Variants in SLC14A2 observed in about 807,000 individuals in gnomAD.
The protein encoded by SLC14A2 is solute carrier family 14 member 2, also known as urea transporter 2.
Under a neutral mutation model 104.6 loss-of-function variants are expected in SLC14A2, and 91 were observed. The observed-to-expected ratio is 0.87, with a 90% confidence interval of 0.73 to 1.04. The LOEUF is 1.04. SLC14A2 is among the 50% of genes least tolerant of loss of function. SLC14A2 has a pLI of 0.00. For synonymous variants in SLC14A2, 476 were observed against 466.4 expected (o/e 1.02, Z -0.27); for missense variants, 1,189 against 1,156.0 (o/e 1.03, Z -0.41).
chr18:45,275,946 G>C (rs965651279), intron 1 of SLC14A2, among the ~76,000 whole-genome samples: 1 of 152,224 alleles, frequency 6.6e-6, no homozygotes, highest in Admixed American at 6.5e-5. Context: ...TAAAGGTGCT[G>C]TTTTTGACTA....
chr18:45,674,286 T>C (rs1318398182), intron 18 of SLC14A2, among the ~76,000 whole-genome samples: 1 of 152,226 alleles, frequency 6.6e-6, no homozygotes, highest in East Asian at 1.9e-4. Context: ...ACAAAACTCC[T>C]TTTGAGCAGA....
chr18:45,390,053 G>T (rs971486825), intron 1 of SLC14A2, among the ~76,000 whole-genome samples: 1 of 152,170 alleles, frequency 6.6e-6, no homozygotes, highest in African/African-American at 2.4e-5. Context: ...AAATCTCGTT[G>T]GTATTTGGGG....
At chr18:45,220,173 A>G (rs2143990150) in intron 1 of SLC14A2, among the ~76,000 whole-genome samples, 1 of 152,322 alleles carries the variant, frequency 6.6e-6, no homozygotes, top group South Asian at 2.1e-4. Flanking sequence ...CATTCCTGAT[A>G]GTAAGCAAGC....
chr18:45,642,894 A>C (rs568339106), intron 8 of SLC14A2, among the ~76,000 whole-genome samples: 5 of 152,368 alleles, frequency 3.3e-5, no homozygotes, highest in African/African-American at 1.2e-4. Context: ...AAAAGGAAAT[A>C]TATGTTTTAA....
the SLC14A2 span, among the ~76,000 whole-genome samples, chr18:45,179,387 C>A: frequency 6.6e-6 from 1 of 152,180 alleles, no homozygotes; most frequent in Non-Finnish European, 1.5e-5. Context: ...GGAAGTCTAA[C>A]CAGCTTCCTT....
chr18:45,168,261 TTTTAA>T, the SLC14A2 span, among the ~76,000 whole-genome samples: 1 of 152,216 alleles, frequency 6.6e-6, no homozygotes, highest in South Asian at 2.1e-4. Context: ...ACTTTAAAGT[TTTTAA>T]TTTATTTCCT....
chr18:45,677,114 G>A (rs1005725320), intron 18 of SLC14A2, among the ~76,000 whole-genome samples: 7 of 152,178 alleles, frequency 4.6e-5, no homozygotes, highest in Admixed American at 1.3e-4. Flanking sequence ...GTCTCATTTC[G>A]TCTTCTTTCT....
chr18:45,444,285 C>G (rs1260244109), intron 1 of SLC14A2, among the ~76,000 whole-genome samples: 2 of 152,152 alleles, frequency 1.3e-5, no homozygotes, highest in Non-Finnish European at 2.9e-5. Context: ...TTGTGGCAAT[C>G]TTGTAGGTTT....
At chr18:45,534,228 C>T (rs1308535845) in intron 2 of SLC14A2, among the ~76,000 whole-genome samples, 1 of 152,124 alleles carries the variant, frequency 6.6e-6, no homozygotes, top group Non-Finnish European at 1.5e-5. Context: ...CTCCTCATCA[C>T]TGCAGAGCAT....
At chr18:45,641,424 C>G in intron 8 of SLC14A2, 81 bp downstream of exon 8, 1 of 1,479,126 alleles carries the variant, frequency 6.8e-7, no homozygotes, top group South Asian at 1.2e-5. Context: ...ATGGGGACCA[C>G]TAATCAATAC....
At chr18:45,381,276 G>A (rs1175511531) in intron 1 of SLC14A2, among the ~76,000 whole-genome samples, 1 of 152,164 alleles carries the variant, frequency 6.6e-6, no homozygotes, top group Non-Finnish European at 1.5e-5. Context: ...AGTGATGACT[G>A]GCTTATATTT....
upstream of SLC14A2, among the ~76,000 whole-genome samples, chr18:45,613,234 C>G (rs1012808517): frequency 1.3e-5 from 2 of 152,052 alleles, no homozygotes; most frequent in African/African-American, 2.4e-5. Context: ...TGGGGTTTCA[C>G]CGTGGTCTTG....
intron 1 of SLC14A2, among the ~76,000 whole-genome samples, chr18:45,362,091 A>C: frequency 6.6e-6 from 1 of 152,214 alleles, no homozygotes; most frequent in East Asian, 1.9e-4. Flanking sequence ...GTAGTGAGTG[A>C]GTTCTCACAA....
intron 1 of SLC14A2, among the ~76,000 whole-genome samples, chr18:45,456,942 A>G (rs774626834): frequency 6.6e-6 from 1 of 152,092 alleles, no homozygotes; most frequent in African/African-American, 2.4e-5. Flanking sequence ...TATTCCACCC[A>G]AGATGTGCCT....
intron 1 of SLC14A2, among the ~76,000 whole-genome samples, chr18:45,246,884 T>C (rs2084372522): frequency 6.6e-6 from 1 of 151,764 alleles, no homozygotes; most frequent in Non-Finnish European, 1.5e-5. Flanking sequence ...AAAACACCTA[T>C]TGTAATCCCC....
intron 1 of SLC14A2, among the ~76,000 whole-genome samples, chr18:45,441,623 G>T (rs1161111644): frequency 6.6e-6 from 1 of 152,192 alleles, no homozygotes; most frequent in African/African-American, 2.4e-5. Context: ...ACACGTGCAC[G>T]CATGCCCATA....
intron 1 of SLC14A2, among the ~76,000 whole-genome samples, chr18:45,430,582 A>AT (rs903948110): frequency 1.9e-4 from 28 of 151,272 alleles, no homozygotes; most frequent in Non-Finnish European, 3.2e-4. Flanking sequence ...ATTTTATTTT[A>AT]TTTTATTTTT....
intron 2 of SLC14A2, among the ~76,000 whole-genome samples, chr18:45,570,528 C>T (rs114585463): frequency 1.2e-4 from 19 of 152,206 alleles, no homozygotes; most frequent in Admixed American, 9.2e-4. Flanking sequence ...GAGCATGGTA[C>T]GTTGGAATTA....
intron 2 of SLC14A2, among the ~76,000 whole-genome samples, chr18:45,501,981 G>A (rs2043206128): frequency 1.3e-5 from 2 of 152,156 alleles, no homozygotes; most frequent in African/African-American, 4.8e-5. Flanking sequence ...TAGAGGTAAT[G>A]GATTCTATAG....
Sources: allele counts gnomAD v4.1 joint callset (sites outside exome capture counted in the v4.1 genomes callset), GRCh38; gene constraint gnomAD v4.1.1; transcripts MANE v1.5; gene names NCBI Gene and HGNC (gene_info 2026-07-23, HGNC 2026-07-21).